SLC39A9: variants seen among roughly 807,000 people sequenced by gnomAD.
SLC39A9 encodes solute carrier family 39 member 9.
Under a neutral mutation model 28.4 loss-of-function variants are expected in SLC39A9, and 14 were observed. The observed-to-expected ratio is 0.49, with a 90% CI of 0.33 to 0.77. The LOEUF (loss-of-function observed/expected upper bound fraction) is 0.77. Among genes scored for constraint, SLC39A9 ranks in the 30% least tolerant of loss-of-function variants. The probability of loss-of-function intolerance (pLI) is 0.02; values close to 1 mark genes in which losing one functional copy is unlikely to be tolerated. For synonymous variants in SLC39A9, 119 were observed against 149.6 expected (o/e 0.80, Z 1.49); for missense variants, 283 against 381.1 (o/e 0.74, Z 2.14).
rs1012229376 is a variant in SLC39A9 at position 69,427,804 on chromosome 14, C to T, written c.205+3602C>T. On this transcript the variant is annotated intron_variant, in intron 2 of 6. Transcript: ENST00000336643. Reference sequence around the variant, plus strand: ...ACTTTTTTGCACTAAAATGAACTTGCGCTAACTTGTTATAACATGTCTGAA... The same window carrying T: ...ACTTTTTTGCACTAAAATGAACTTGTGCTAACTTGTTATAACATGTCTGAA... 3.9e-5 allele frequency among the ~76,000 whole-genome samples: 6 copies of T among 152,158 alleles called. No homozygotes were observed. The East Asian group carries it at 5.8e-4, about 15-fold the overall frequency.
chr14:69,420,681 G>C (rs1218832427), intron 1 of SLC39A9, among the ~76,000 whole-genome samples: 1 of 152,158 alleles, frequency 6.6e-6, no homozygotes, highest in Admixed American at 6.5e-5. Context: ...ATATTTATTG[G>C]AGGGTTTGTT....
chr14:69,453,957 G>A (rs1885737023), intron 4 of SLC39A9, among the ~76,000 whole-genome samples: 1 of 152,192 alleles, frequency 6.6e-6, no homozygotes, highest in African/African-American at 2.4e-5. Context: ...ATGTCATCTG[G>A]AAAAGAGCCT....
At chr14:69,446,283 T>C (rs1202814006) in intron 3 of SLC39A9, among the ~76,000 whole-genome samples, 2 of 149,870 alleles carry the variant, frequency 1.3e-5, no homozygotes, top group Non-Finnish European at 3.0e-5. Context: ...TATATACATA[T>C]ATATATATAT....
intron 1 of SLC39A9, among the ~76,000 whole-genome samples, chr14:69,406,848 G>GTTTTTTTTTTTTT (rs398025544): frequency 2.1e-5 from 2 of 95,904 alleles, no homozygotes; most frequent in Admixed American, 1.3e-4. Context: ...GAAATTCTTT[G>GTTTTTTTTTTTTT]TTTTTTTTTT....
chr14:69,421,858 A>C (rs1035930031), intron 1 of SLC39A9, among the ~76,000 whole-genome samples: 4 of 152,154 alleles, frequency 2.6e-5, no homozygotes, highest in African/African-American at 9.7e-5. Context: ...AGACTGTTGG[A>C]AAAGCGCAGT....
chr14:69,455,712 A>G lies in SLC39A9; in HGVS notation c.559-20A>G. 1 of 1,614,018 alleles carries G rather than the reference A, an allele frequency of 6.2e-7. No homozygotes were observed. The highest frequency in any genetic ancestry group is 8.5e-7 in the Non-Finnish European group (1 of 1,179,962). ...CCCATACTTCTAGAATGATAATAAG[A>G]GATGATTTTTTATTTCCAGGCACCA... On this transcript the variant is annotated intron_variant, in intron 5 of 6. Coordinates refer to ENST00000336643, the MANE Select transcript of SLC39A9 (RefSeq NM_018375.5).
chr14:69,435,448 A>G (rs1884695425), intron 2 of SLC39A9, among the ~76,000 whole-genome samples: 1 of 152,178 alleles, frequency 6.6e-6, no homozygotes, highest in South Asian at 2.1e-4. Flanking sequence ...TTTAAAGTGG[A>G]CTTCTTACAG....
rs1166374943 is a variant in SLC39A9 at position 69,458,451 on chromosome 14, A to G, written c.782A>G (p.His261Arg). The G allele has an allele frequency of 1.2e-6, 2 of 1,614,230 alleles. No individual in the cohort carries two copies. The highest frequency in any genetic ancestry group is 2.2e-5 in the East Asian group (1 of 44,890). The change falls in exon 7 of 7, where the codon CAT (histidine) becomes CGT (arginine). Residue 261 changes from histidine to arginine, a missense_variant. Physicochemically the swap from His to Arg is conservative, Grantham distance 29. Transcript: ENST00000336643. ...AGTFLYVATV[H>R]VLPEVGGIGH... is the part of the protein sequence containing the mutation. The stretch of plus-strand genomic sequence containing the variant: ...ACATTTCTTTATGTTGCCACAGTAC[A>G]TGTCCTCCCTGAGGTGGGCGGAATA...
chr14:69,447,010 AATT>A (rs1287460764), intron 3 of SLC39A9, among the ~76,000 whole-genome samples: 5 of 151,534 alleles, frequency 3.3e-5, no homozygotes, highest in African/African-American at 9.7e-5. Context: ...AGAATGCTCC[AATT>A]ATTAAATGTA....
At chr14:69,430,222 T>A (rs1045912836) in intron 2 of SLC39A9, among the ~76,000 whole-genome samples, 2 of 152,222 alleles carry the variant, frequency 1.3e-5, no homozygotes, top group Non-Finnish European at 2.9e-5. Context: ...ATCAGTTACT[T>A]CTTTTGAGAT....
At position 69,458,493 on chromosome 14, in the gene SLC39A9, C is replaced by G. The variant is rs1885971225; in HGVS notation, c.824C>G (p.Pro275Arg). ...GGCGGAATAGGGCACAGCCACAAGC[C>G]CGATGCCACGGGAGGGAGAGGCCTC... ...EVGGIGHSHKPDATGGRGLSR... is the reference protein window; with the variant it reads ...EVGGIGHSHKRDATGGRGLSR... The change falls in exon 7 of 7, where the codon CCC becomes CGC. Residue 275 changes from proline to arginine, a missense_variant. By Grantham distance (103) the Pro-to-Arg change is moderately radical (BLOSUM62 -2). Transcript: ENST00000336643. 1.9e-6 allele frequency: 3 copies of G among 1,614,238 alleles called. No individual in the cohort carries two copies. Among genetic ancestry groups the G allele is most frequent in the East Asian group, 4.5e-5 (2 of 44,888 alleles).
chr14:69,453,101 G>A, intron 3 of SLC39A9, 140 bp from the exon 4 acceptor site: 1 of 627,430 alleles, frequency 1.6e-6, no homozygotes, highest in Non-Finnish European at 2.8e-6. Context: ...CTTTGGGAGG[G>A]TGAGGCGGGC....
chr14:69,411,192 A>G (rs565595946), intron 1 of SLC39A9, among the ~76,000 whole-genome samples: 12 of 147,684 alleles, frequency 8.1e-5, no homozygotes, highest in African/African-American at 2.3e-4. Context: ...AGCCTGGGTC[A>G]TAGAGTGAGA....
intron 1 of SLC39A9, among the ~76,000 whole-genome samples, chr14:69,409,785 A>AT (rs1883166263): frequency 6.6e-6 from 1 of 152,100 alleles, no homozygotes; most frequent in African/African-American, 2.4e-5. Context: ...ATTTCAGATT[A>AT]TTTTTTTCAG....
At position 69,408,483 on chromosome 14, in the gene SLC39A9, A is replaced by G. The variant is rs181742747; in HGVS notation, c.96+9018A>G. ...AATAAGACAGCCCCAGTGTCATGAT[A>G]TATGGCAGCTGACCTTCAGTGTCAG... On this transcript the variant is annotated intron_variant, in intron 1 of 6. Coordinates refer to ENST00000336643, the MANE Select transcript of SLC39A9 (RefSeq NM_018375.5). Among the ~76,000 whole-genome samples the G allele has an allele frequency of 5.9e-5, 9 of 152,342 alleles. No individual in the cohort carries two copies. In the East Asian group the frequency reaches 1.5e-3, roughly 26 times the overall value.
At chr14:69,451,882 A>C (rs1838300778) in intron 3 of SLC39A9, among the ~76,000 whole-genome samples, 1 of 151,978 alleles carries the variant, frequency 6.6e-6, no homozygotes, top group Non-Finnish European at 1.5e-5. Flanking sequence ...CACTTGGCTA[A>C]ATTTTAAAAA....
chr14:69,449,890 T>C (rs761752958), intron 3 of SLC39A9, among the ~76,000 whole-genome samples: 2 of 151,722 alleles, frequency 1.3e-5, no homozygotes, highest in Non-Finnish European at 2.9e-5. Flanking sequence ...TGTTTGCTTA[T>C]GCAAGAAAGG....
rs1290390557 is a variant in SLC39A9 at position 69,422,709 on chromosome 14, C to T, written c.97-1385C>T. Among the ~76,000 whole-genome samples, 3 of 152,178 alleles carry T rather than the reference C, an allele frequency of 2.0e-5. No homozygotes were observed. The East Asian group carries it at 5.8e-4, about 29-fold the overall frequency. ...AAGTGATTCTCCTGTCTCAGACTCC[C>T]AAGTAGCTGGGATTACAGGCACACA... On this transcript the variant is annotated intron_variant, in intron 1 of 6. Transcript: ENST00000336643.
At chr14:69,456,934 C>T (rs1462138217) in intron 6 of SLC39A9, among the ~76,000 whole-genome samples, 1 of 152,152 alleles carries the variant, frequency 6.6e-6, no homozygotes, top group Non-Finnish European at 1.5e-5. Context: ...AGAGCCTTCT[C>T]TTCTTTCAGT....
Sources: gnomAD v4.1 joint callset for allele counts (sites outside exome capture counted in the v4.1 genomes callset) on GRCh38, gnomAD v4.1.1 for gene constraint, MANE v1.5 for transcripts, NCBI Gene and HGNC (gene_info 2026-07-23, HGNC 2026-07-21) for gene names.